Variants in NEBL observed in about 807,000 individuals in gnomAD.
NEBL encodes the protein LIM and SH3 protein 2.
NEBL carries 122 observed loss-of-function variants against 140.2 expected under a neutral mutation model. The observed-to-expected ratio is 0.87, with a 90% CI of 0.75 to 1.01. The LOEUF is 1.01. Ranked by LOEUF, NEBL falls within the 50% of genes least tolerant of loss-of-function variation. NEBL has a pLI of 0.00. For missense variants in NEBL, 1,365 were observed against 1,231.3 expected (o/e 1.11, Z -1.62); for synonymous variants, 436 against 398.9 (o/e 1.09, Z -1.11).
intron 26 of NEBL, among the ~76,000 whole-genome samples, chr10:20,791,886 G>A (rs1411266826): frequency 1.3e-5 from 2 of 152,174 alleles, no homozygotes; most frequent in East Asian, 1.9e-4. Flanking sequence ...TGTCCTTGGT[G>A]TTCATGGTGC....
At chr10:21,085,114 G>A (rs80215098) in intron 2 of NEBL, among the ~76,000 whole-genome samples, 1,939 of 152,242 alleles carry the variant, frequency 0.013, 42 homozygotes, top group African/African-American at 0.044. Flanking sequence ...ACCTACCAGC[G>A]ATTTTGAAAG....
chr10:21,070,135 T>A (rs1835751716), intron 2 of NEBL: 1 of 371,858 alleles, frequency 2.7e-6, no homozygotes. Flanking sequence ...CAAAATAGCA[T>A]TACTTGAGTT....
At chr10:20,990,369 G>A (rs58569619) in intron 3 of NEBL, among the ~76,000 whole-genome samples, 12,020 of 152,114 alleles carry the variant, frequency 0.079, 1,072 homozygotes, top group East Asian at 0.38. Flanking sequence ...GATGGCCTTC[G>A]GGAGGTAATT....
chr10:21,276,124 C>T (rs1029839694), intron 1 of NEBL, among the ~76,000 whole-genome samples: 1 of 152,028 alleles, frequency 6.6e-6, no homozygotes, highest in Admixed American at 6.6e-5. Flanking sequence ...GTGTGCACAA[C>T]CATGCCTGGC....
intron 1 of NEBL, among the ~76,000 whole-genome samples, chr10:21,291,321 C>T (rs566670695): frequency 3.3e-5 from 5 of 151,770 alleles, no homozygotes; most frequent in South Asian, 4.2e-4. Flanking sequence ...GCCTGGCCAA[C>T]GTGGTGAAAC....
At chr10:21,025,413 G>A (rs1242503363) in intron 2 of NEBL, among the ~76,000 whole-genome samples, 1 of 152,156 alleles carries the variant, frequency 6.6e-6, no homozygotes, top group Non-Finnish European at 1.5e-5. Context: ...TAAAGACAGA[G>A]AGAATCAAGA....
chr10:21,083,589 G>A (rs910358817), intron 2 of NEBL, among the ~76,000 whole-genome samples: 3 of 151,990 alleles, frequency 2.0e-5, no homozygotes, highest in Non-Finnish European at 4.4e-5. Flanking sequence ...AGAGAATAAC[G>A]CCAGTGTGCA....
At chr10:20,928,718 C>T (rs1834029889) in intron 4 of NEBL, among the ~76,000 whole-genome samples, 1 of 152,164 alleles carries the variant, frequency 6.6e-6, no homozygotes, top group Non-Finnish European at 1.5e-5. Context: ...TTCTTTCCAC[C>T]CTTCTCTAGA....
rs1425510826 is a variant in NEBL at position 20,785,697 on chromosome 10, A to G, written c.*50T>C. 2 of 1,580,726 alleles carry G rather than the reference A, an allele frequency of 1.3e-6. No individual in the cohort carries two copies. The highest frequency in any genetic ancestry group is 2.7e-5 in the African/African-American group (2 of 73,906). On this transcript the variant is annotated 3_prime_UTR_variant, in exon 28 of 28. Transcript: ENST00000377122. ...AAAGTATCTTCTATCTTTTAAAAAGATTAGGTTTGGGATACATTAGAATAA... is the reference window on the plus strand; with the variant it reads ...AAAGTATCTTCTATCTTTTAAAAAGGTTAGGTTTGGGATACATTAGAATAA...
intron 2 of NEBL, among the ~76,000 whole-genome samples, chr10:21,024,318 T>C (rs1259588638): frequency 6.6e-6 from 1 of 152,074 alleles, no homozygotes; most frequent in Non-Finnish European, 1.5e-5. Flanking sequence ...GAAGAAACTA[T>C]CCAAAATCTT....
rs928871053 is a variant in NEBL at position 21,188,694 on chromosome 10, G to A, written n.349-16217C>T. ...CAGCTCACTGCAACCTCCGCCTCCC[G>A]GGTTCCAGCAATTTTCCTGCCTCAG... is the stretch of plus-strand genomic sequence containing the variant. On this transcript the variant is annotated intron_variant and non_coding_transcript_variant, in intron 3 of 8. Transcript: ENST00000675702. 6.7e-5 allele frequency among the ~76,000 whole-genome samples: 10 copies of A among 148,680 alleles called. No individual in the cohort carries two copies. The East Asian group carries it at 1.0e-3, about 15-fold the overall frequency.
intron 19 of NEBL, among the ~76,000 whole-genome samples, chr10:20,821,776 G>A (rs909837893): frequency 6.6e-6 from 1 of 152,046 alleles, no homozygotes; most frequent in African/African-American, 2.4e-5. Flanking sequence ...CTACCTTTTT[G>A]TGATCTGTAT....
chr10:20,791,752 T>C (rs140536533), intron 26 of NEBL, among the ~76,000 whole-genome samples: 49 of 152,038 alleles, frequency 3.2e-4, no homozygotes, highest in Admixed American at 1.4e-3. Context: ...TATACGTAAA[T>C]ACACAAAGAT....
intron 7 of NEBL, chr10:20,867,788 T>C (rs788948): frequency 0.96 from 146,558 of 152,154 alleles, 70,770 homozygotes; most frequent in Middle Eastern, 1. Context: ...TCCAACTTCT[T>C]CCCACTGACT....
At chr10:20,828,311 C>T (rs71578943) in intron 17 of NEBL, among the ~76,000 whole-genome samples, 310 of 151,144 alleles carry the variant, frequency 2.1e-3, no homozygotes, top group Non-Finnish European at 3.7e-3. Flanking sequence ...TCATTTATAC[C>T]GAAGAGGAAA....
intron 2 of NEBL, chr10:21,172,301 C>T: frequency 9.4e-7 from 1 of 1,068,722 alleles, no homozygotes; most frequent in Non-Finnish European, 1.5e-6. Context: ...CACAGTGAGT[C>T]AGTTCTTCAA....
At chr10:20,902,240 A>C (rs1847904470), upstream of NEBL, among the ~76,000 whole-genome samples, 1 of 151,824 alleles carries the variant, frequency 6.6e-6, no homozygotes, top group South Asian at 2.1e-4. Context: ...CGTCTCTACT[A>C]AACAAAATAC....
intron 4 of NEBL, among the ~76,000 whole-genome samples, chr10:20,934,866 G>C (rs759138596): frequency 1.2e-4 from 19 of 152,132 alleles, no homozygotes; most frequent in Non-Finnish European, 2.4e-4. Context: ...AAATCTTTAA[G>C]ACATAGCAAC....
At chr10:21,004,292 A>C (rs76091611) in intron 3 of NEBL, among the ~76,000 whole-genome samples, 1 of 152,242 alleles carries the variant, frequency 6.6e-6, no homozygotes, top group Non-Finnish European at 1.5e-5. Flanking sequence ...TAATAAAAAA[A>C]TAAAAATTCA....
Sources: allele counts gnomAD v4.1 joint callset (sites outside exome capture counted in the v4.1 genomes callset), GRCh38; gene constraint gnomAD v4.1.1; transcripts MANE v1.5; gene names NCBI Gene and HGNC (gene_info 2026-07-23, HGNC 2026-07-21).